The following SEL1L3 variants were observed in gnomAD, a reference collection of about 807,000 sequenced individuals.
SEL1L3 encodes the protein protein sel-1 homolog 3.
SEL1L3 carries 76 observed loss-of-function variants against 142.8 expected under a neutral mutation model. The observed-to-expected ratio is 0.53, with a 90% confidence interval of 0.44 to 0.64. The LOEUF (loss-of-function observed/expected upper bound fraction) is 0.64. Ranked by LOEUF, SEL1L3 falls within the 30% of genes least tolerant of loss-of-function variation. The pLI, the probability that SEL1L3 is intolerant of heterozygous loss-of-function variation, is 0.00. For synonymous variants in SEL1L3, 504 were observed against 519.6 expected, an observed-to-expected ratio of 0.97 and a Z score of 0.41; for missense variants, 1,262 against 1,381.7, an observed-to-expected ratio of 0.91 and a Z score of 1.37.
At chr4:25,721,876 C>T in the SEL1L3 span, among the ~76,000 whole-genome samples, 3 of 152,152 alleles carry the variant, frequency 2.0e-5, no homozygotes, top group Non-Finnish European at 4.4e-5. Context: ...ACATGATGGA[C>T]GTCTTCAAAT....
chr4:25,797,030 GA>G (rs573279820), intron 11 of SEL1L3, among the ~76,000 whole-genome samples: 297 of 151,086 alleles, frequency 2.0e-3, no homozygotes, highest in Non-Finnish European at 2.5e-3. Context: ...AAGACAGGGG[GA>G]ATAGACAGGT....
chr4:25,771,652 T>C (rs1194458662), intron 17 of SEL1L3, among the ~76,000 whole-genome samples: 1 of 152,202 alleles, frequency 6.6e-6, no homozygotes, highest in Non-Finnish European at 1.5e-5. Flanking sequence ...TGGAGCTATG[T>C]ATGCTTACTT....
chr4:25,777,747 A>G (rs1258657281), intron 16 of SEL1L3: 4 of 442,716 alleles, frequency 9.0e-6, no homozygotes, highest in Admixed American at 7.6e-5. Context: ...ACAATGATAA[A>G]AAACTTCAAG....
chr4:25,824,997 A>G (rs1392982264), intron 6 of SEL1L3, among the ~76,000 whole-genome samples: 1 of 152,146 alleles, frequency 6.6e-6, no homozygotes, highest in African/African-American at 2.4e-5. Flanking sequence ...GTGTGAAAAA[A>G]GCCCACAGCA....
chr4:25,792,495 G>A (rs547683791), intron 11 of SEL1L3, among the ~76,000 whole-genome samples: 10 of 152,342 alleles, frequency 6.6e-5, no homozygotes, highest in Middle Eastern at 3.4e-3. Flanking sequence ...ACCCATGAGC[G>A]GGTGCTTCAG....
At chr4:25,728,537 C>T in the SEL1L3 span, among the ~76,000 whole-genome samples, 1 of 152,154 alleles carries the variant, frequency 6.6e-6, no homozygotes, top group Non-Finnish European at 1.5e-5. Context: ...CCTTTCCTAC[C>T]TACCTGTCCA....
rs552928065 is a variant in SEL1L3, at chr4:25,846,855, G to C, written c.733+439C>G. On this transcript the variant is annotated intron_variant, in intron 2 of 23. Transcript: ENST00000399878. ...ACCTGGGAGGCGGAGGTTGCAGTGA[G>C]CCGAGTGAGATCTCGCCACTGCACT... Among the ~76,000 whole-genome samples, 9 of 138,872 alleles carry C rather than the reference G, an allele frequency of 6.5e-5. No homozygotes were observed. In the Admixed American group the frequency reaches 7.2e-4, roughly 11 times the overall value. 91.1% of individuals were successfully genotyped at this position (138,872 alleles called of 152,430 possible).
chr4:25,851,413 CAT>C (rs1229372310), intron 1 of SEL1L3, among the ~76,000 whole-genome samples: 4 of 152,238 alleles, frequency 2.6e-5, no homozygotes, highest in Admixed American at 2.0e-4. Flanking sequence ...CACACACACA[CAT>C]ATATATGTAC....
intron 1 of SEL1L3, among the ~76,000 whole-genome samples, chr4:25,859,943 C>G (rs577579878): frequency 1.3e-5 from 2 of 152,346 alleles, no homozygotes; most frequent in South Asian, 4.1e-4. Context: ...ATTGCTAGAG[C>G]TCTGCTAATG....
At chr4:25,795,585 G>A (rs954147735) in intron 11 of SEL1L3, among the ~76,000 whole-genome samples, 4 of 152,096 alleles carry the variant, frequency 2.6e-5, no homozygotes, top group Non-Finnish European at 4.4e-5. Context: ...CCCATGTTAC[G>A]GGTGAGAAAC....
In SEL1L3 at chr4:25,795,584, C is replaced by T. The variant is rs1027113968; in HGVS notation, c.1957-5010G>A. Among the ~76,000 whole-genome samples the T allele has an allele frequency of 6.6e-5, 10 of 152,250 alleles. No individual in the cohort carries two copies. The South Asian group carries it at 1.0e-3, about 16-fold the overall frequency. Reference sequence around the variant, plus strand: ...GCAGACCATCATGGCTCCCATGTTACGGGTGAGAAACACACAGAGGTAAGC... The same window carrying T: ...GCAGACCATCATGGCTCCCATGTTATGGGTGAGAAACACACAGAGGTAAGC... On this transcript the variant is annotated intron_variant, in intron 11 of 23. Transcript: ENST00000399878.
At chr4:25,717,427 AG>A in the SEL1L3 span, among the ~76,000 whole-genome samples, 1 of 152,216 alleles carries the variant, frequency 6.6e-6, no homozygotes, top group Admixed American at 6.5e-5. Context: ...GCACTTTGGA[AG>A]GCTGAGGCAA....
intron 17 of SEL1L3, chr4:25,773,222 A>G (rs1198832373): frequency 1.3e-5 from 2 of 152,220 alleles, no homozygotes; most frequent in Non-Finnish European, 1.5e-5. Context: ...TTTCTTAGGA[A>G]TATATTCATA....
chr4:25,862,628 CG>C (rs1417472943), intron 1 of SEL1L3, 46 bp downstream of exon 1: 5 of 1,118,994 alleles, frequency 4.5e-6, no homozygotes, highest in Non-Finnish European at 5.6e-6. Flanking sequence ...CCCGCGTCCC[CG>C]GGGCCCCGCG....
intron 1 of SEL1L3, among the ~76,000 whole-genome samples, chr4:25,857,759 C>T (rs1717368439): frequency 1.3e-5 from 2 of 152,256 alleles, no homozygotes; most frequent in Admixed American, 6.5e-5. Context: ...CCTCAACTCA[C>T]GTCCTTGCCT....
chr4:25,791,911 T>TAAA (rs55799752), intron 11 of SEL1L3, among the ~76,000 whole-genome samples: 1 of 134,492 alleles, frequency 7.4e-6, no homozygotes, highest in Non-Finnish European at 1.6e-5. Context: ...AGACTCAGTC[T>TAAA]AAAAAAAAAA....
chr4:25,763,185 G>GAAAAA (rs34349674), intron 20 of SEL1L3, among the ~76,000 whole-genome samples: 1 of 145,100 alleles, frequency 6.9e-6, no homozygotes. Flanking sequence ...AATAAAAATT[G>GAAAAA]AAAAAAAAAA....
chr4:25,740,774 C>T, the SEL1L3 span, among the ~76,000 whole-genome samples: 1 of 152,206 alleles, frequency 6.6e-6, no homozygotes, highest in East Asian at 1.9e-4. Flanking sequence ...GTATTACATA[C>T]ATTTCTTTTC....
chr4:25,811,123 C>T (rs1394405457), intron 9 of SEL1L3, among the ~76,000 whole-genome samples: 1 of 152,152 alleles, frequency 6.6e-6, no homozygotes, highest in Non-Finnish European at 1.5e-5. Flanking sequence ...GGGATGCACC[C>T]AGTACATGGG....
Sources: allele counts gnomAD v4.1 joint callset (sites outside exome capture counted in the v4.1 genomes callset), GRCh38; gene constraint gnomAD v4.1.1; transcripts MANE v1.5; gene names NCBI Gene and HGNC (gene_info 2026-07-23, HGNC 2026-07-21).